ASIP: variants seen among roughly 807,000 people sequenced by gnomAD.
The protein encoded by ASIP is agouti signaling protein.
ASIP carries 11 observed loss-of-function variants against 10.3 expected under a neutral mutation model. The ratio of observed to expected loss-of-function variants is 1.07; its 90% CI spans 0.68 to 1.78. The LOEUF is 1.78. Ranked by LOEUF, ASIP falls within the 40% of genes most tolerant of loss-of-function variation. The probability of loss-of-function intolerance (pLI) is 0.00; values close to 1 mark genes in which losing one functional copy is unlikely to be tolerated. For synonymous variants in ASIP, 70 were observed against 70.8 expected (o/e 0.99, Z 0.06); for missense variants, 180 against 169.2 (o/e 1.06, Z -0.35).
chr20:34,260,127 C>G (rs1342823547), intron 1 of ASIP, among the ~76,000 whole-genome samples: 1 of 151,892 alleles, frequency 6.6e-6, no homozygotes, highest in African/African-American at 2.4e-5. Context: ...TGCTTTTTCT[C>G]TTTGCTCCAA....
At chr20:34,214,937 T>A in intron 1 of ASIP, 1 of 1,472,080 alleles carries the variant, frequency 6.8e-7, no homozygotes, top group African/African-American at 1.4e-5. Context: ...CCATTCTTAG[T>A]TAATTTACTC....
At chr20:34,223,564 CCTGG>C (rs2035069729) in intron 1 of ASIP, among the ~76,000 whole-genome samples, 3 of 124,836 alleles carry the variant, frequency 2.4e-5, no homozygotes, top group African/African-American at 1.1e-4. Flanking sequence ...CAGCCCCCCG[CCTGG>C]CCAGCCGTGC....
intron 1 of ASIP, among the ~76,000 whole-genome samples, chr20:34,227,096 A>G (rs564515305): frequency 6.6e-6 from 1 of 152,310 alleles, no homozygotes; most frequent in African/African-American, 2.4e-5. Flanking sequence ...AAAAAATCCA[A>G]TGAAGTCCTT....
intron 1 of ASIP, among the ~76,000 whole-genome samples, chr20:34,196,468 C>T (rs768696949): frequency 1.4e-4 from 21 of 151,932 alleles, no homozygotes; most frequent in Admixed American, 6.6e-5. Context: ...CCACCGCGCC[C>T]GGCTGAAAAG....
chr20:34,268,841 C>A, intron 3 of ASIP, 150 bp from the exon 4 acceptor site: 1 of 933,008 alleles, frequency 1.1e-6, no homozygotes. Flanking sequence ...GTGAGGGAAT[C>A]TGACTGGGGG....
intron 1 of ASIP, among the ~76,000 whole-genome samples, chr20:34,209,740 A>G (rs913259278): frequency 6.6e-6 from 1 of 152,142 alleles, no homozygotes; most frequent in African/African-American, 2.4e-5. Context: ...AGGGAAGCTA[A>G]GGAGGGGCCG....
intron 1 of ASIP, among the ~76,000 whole-genome samples, chr20:34,255,731 G>T (rs1004753094): frequency 1.3e-5 from 2 of 152,230 alleles, no homozygotes; most frequent in African/African-American, 4.8e-5. Flanking sequence ...AGACAAGAGT[G>T]TGAGCCCTCT....
chr20:34,208,698 C>T (rs534954310), intron 1 of ASIP, among the ~76,000 whole-genome samples: 6 of 152,012 alleles, frequency 3.9e-5, no homozygotes, highest in African/African-American at 1.4e-4. Context: ...ATCTGTAAAT[C>T]ACTTTAAGTA....
At chr20:34,214,167 A>G in intron 1 of ASIP, 3 of 1,212,604 alleles carry the variant, frequency 2.5e-6, no homozygotes, top group Admixed American at 1.7e-5. Context: ...TCTATTCAAA[A>G]TATCCTCAAT....
chr20:34,210,655 G>T (rs961643763), intron 1 of ASIP, among the ~76,000 whole-genome samples: 7 of 152,246 alleles, frequency 4.6e-5, no homozygotes, highest in African/African-American at 7.2e-5. Flanking sequence ...CTCAGGCAAA[G>T]GTGCCACCAG....
chr20:34,242,100 T>C (rs907115108), intron 1 of ASIP, among the ~76,000 whole-genome samples: 6 of 152,218 alleles, frequency 3.9e-5, no homozygotes, highest in Non-Finnish European at 8.8e-5. Context: ...TTCAGTGATA[T>C]GGAACATTTT....
upstream of ASIP, among the ~76,000 whole-genome samples, chr20:34,192,494 C>T (rs2034830031): frequency 6.6e-6 from 1 of 150,956 alleles, no homozygotes; most frequent in Admixed American, 6.6e-5. Context: ...GTTTCTTTCT[C>T]TTTTTCCTTT....
chr20:34,214,977 G>T (rs543408459), intron 1 of ASIP: 3 of 1,398,736 alleles, frequency 2.1e-6, no homozygotes, highest in Non-Finnish European at 3.0e-6. Flanking sequence ...GTCCCATTCC[G>T]TTTACCGGCT....
the ASIP span, among the ~76,000 whole-genome samples, chr20:34,189,237 C>G: frequency 6.9e-4 from 105 of 152,096 alleles, 1 homozygote; most frequent in South Asian, 0.02. Context: ...ACTGCTCCCC[C>G]TAAGGTTTGT....
At chr20:34,243,409 T>C (rs1051185677) in intron 1 of ASIP, among the ~76,000 whole-genome samples, 1 of 152,198 alleles carries the variant, frequency 6.6e-6, no homozygotes, top group South Asian at 2.1e-4. Context: ...TACGTGTATG[T>C]AGATACAGCC....
At chr20:34,233,143 C>CTT (rs755217642) in intron 1 of ASIP, among the ~76,000 whole-genome samples, 8,670 of 100,286 alleles carry the variant, frequency 0.086, 1,830 homozygotes, top group African/African-American at 0.35. Flanking sequence ...GGGACAAGAG[C>CTT]TTTTTTTTTT....
intron 1 of ASIP, chr20:34,213,878 T>C (rs767443703): frequency 2.6e-5 from 41 of 1,566,586 alleles, no homozygotes; most frequent in Non-Finnish European, 3.5e-5. Context: ...CTGAAAGCTT[T>C]ACTAGTTCGA....
intron 1 of ASIP, chr20:34,213,414 T>A: frequency 1.3e-6 from 1 of 785,606 alleles, no homozygotes; most frequent in Non-Finnish European, 2.0e-6. Context: ...AACCAACACC[T>A]GAAAAATGTG....
At chr20:34,210,035 A>G (rs1237122594) in intron 1 of ASIP, among the ~76,000 whole-genome samples, 1 of 152,116 alleles carries the variant, frequency 6.6e-6, no homozygotes, top group Admixed American at 6.5e-5. Flanking sequence ...TACAGAGAGG[A>G]GCTGCCCACT....
Sources: gnomAD v4.1 joint callset for allele counts (sites outside exome capture counted in the v4.1 genomes callset) on GRCh38, gnomAD v4.1.1 for gene constraint, MANE v1.5 for transcripts, NCBI Gene and HGNC (gene_info 2026-07-23, HGNC 2026-07-21) for gene names.